AMZ1: variants seen among roughly 807,000 people sequenced by gnomAD.
AMZ1 encodes the protein archaemetzincin-1.
In AMZ1, 39 loss-of-function variants were observed where a neutral mutation model predicts 29.9. The observed-to-expected ratio is 1.30, with a 90% CI of 1.01 to 1.70. The LOEUF is 1.70. Ranked by LOEUF, AMZ1 falls within the 40% of genes most tolerant of loss-of-function variation. The pLI is 0.00. For synonymous variants in AMZ1, 458 were observed against 304.0 expected (o/e 1.51, Z -5.27); for missense variants, 1,041 against 680.6 (o/e 1.53, Z -5.89).
chr7:2,741,847 T>C (rs183617637), intron 4 of AMZ1, among the ~76,000 whole-genome samples: 1 of 150,508 alleles, frequency 6.6e-6, no homozygotes, highest in African/African-American at 2.5e-5. Flanking sequence ...ATAAGAGTAT[T>C]CATCTAGGAT....
In AMZ1 at chr7:2,708,711, G is replaced by A. The variant is rs1295850402; in HGVS notation, c.596G>A (p.Gly199Glu). The change falls in exon 4 of 7, where the codon GGG becomes GAG. Residue 199 changes from glycine (G) to glutamate (E), a missense_variant. Physicochemically the swap from Gly to Glu is moderately conservative, Grantham distance 98 (BLOSUM62 -2). Coordinates refer to ENST00000683327, the MANE Select transcript of AMZ1 (RefSeq NM_001384743.1). ...WSFTFSKFLPGHEVGVCSFAR... is the reference protein window; with the variant it reads ...WSFTFSKFLPEHEVGVCSFAR... ...TTCACCTTCAGCAAGTTCCTTCCAGGGCACGGTGAGCCGGGGCCCCAGCAG... is the reference window on the plus strand; with the variant it reads ...TTCACCTTCAGCAAGTTCCTTCCAGAGCACGGTGAGCCGGGGCCCCAGCAG... The A allele has an allele frequency of 1.2e-5, 19 of 1,612,488 alleles. No homozygotes were observed. The highest frequency in any genetic ancestry group is 1.4e-5 in the Non-Finnish European group (16 of 1,179,988).
At chr7:2,704,132 G>C (rs1214866536) in intron 3 of AMZ1, among the ~76,000 whole-genome samples, 1 of 152,246 alleles carries the variant, frequency 6.6e-6, no homozygotes, top group Non-Finnish European at 1.5e-5. Flanking sequence ...CGCATGATCT[G>C]CCTGCATTGG....
rs1002408834 is a variant in AMZ1, at chr7:2,715,213, G to A, written c.*2335G>A. The A allele has an allele frequency of 2.6e-5, 4 of 152,296 alleles. No homozygotes were observed. The highest frequency in any genetic ancestry group is 5.9e-5 in the Non-Finnish European group (4 of 68,022). The allele number at this position is 152,296 out of a possible 1,614,324, so 9.4% of individuals were successfully genotyped here. Reference sequence around the variant, plus strand: ...TGCACTCCACGGCGGCAGTGACAAGGACCCCACCCCAGGTTCACGGGGAGG... The same window carrying A: ...TGCACTCCACGGCGGCAGTGACAAGAACCCCACCCCAGGTTCACGGGGAGG... On this transcript the variant is annotated 3_prime_UTR_variant, in exon 7 of 7. Coordinates refer to ENST00000683327, the MANE Select transcript of AMZ1 (RefSeq NM_001384743.1).
Position 2,753,463 on chromosome 7 carries a change from T to G in AMZ1, n.551-11249T>G, listed in dbSNP as rs573856822. On this transcript the variant is annotated intron_variant and non_coding_transcript_variant, in intron 4 of 4. Transcript: ENST00000489665. ...GCATGTGGCCTTTGGAAGTTGGCTT[T>G]TTTCACTCAACATAATGTCCTTGGG... Among the ~76,000 whole-genome samples, 3 of 152,322 alleles carry G rather than the reference T, an allele frequency of 2.0e-5. No homozygotes were observed. In the East Asian group the frequency reaches 5.8e-4, roughly 29 times the overall value.
At chr7:2,707,589 C>G (rs1252721634) in intron 3 of AMZ1, among the ~76,000 whole-genome samples, 1 of 152,094 alleles carries the variant, frequency 6.6e-6, no homozygotes, top group African/African-American at 2.4e-5. Context: ...AACTTGCTAG[C>G]TTGGATGACC....
chr7:2,709,225 G>C lies in AMZ1; in HGVS notation c.752G>C (p.Gly251Ala). 1 of 1,507,686 alleles carries C rather than the reference G, an allele frequency of 6.6e-7. No individual in the cohort carries two copies. The highest frequency in any genetic ancestry group is 2.4e-5 in the East Asian group (1 of 42,508). 93.4% of individuals were successfully genotyped at this position (1,507,686 alleles called of 1,614,324 possible). A position where few individuals can be genotyped will look rare whatever the true frequency, so the allele number is the denominator to read the frequency against. ...RGWALCFSAL[G>A]MVQCCKVTCH... ...TGGGCCCTGTGCTTCAGTGCCCTGG[G>C]GATGGTTCAGTGCTGCAAGGTGGGT... The change falls in exon 5 of 7, where the codon GGG becomes GCG. Residue 251 changes from glycine (G) to alanine (A), a missense_variant. Transcript: ENST00000683327.
intron 4 of AMZ1, among the ~76,000 whole-genome samples, chr7:2,740,283 A>G (rs1021659189): frequency 2.6e-5 from 4 of 152,142 alleles, no homozygotes; most frequent in Non-Finnish European, 5.9e-5. Context: ...CCCTACCTGC[A>G]GTGTGATGGT....
At chr7:2,687,717 A>C (rs1481572356), upstream of AMZ1, among the ~76,000 whole-genome samples, 1 of 144,166 alleles carries the variant, frequency 6.9e-6, no homozygotes, top group Non-Finnish European at 1.5e-5. Flanking sequence ...GGCTTCGCTG[A>C]TAAGCCTGGT....
At chr7:2,759,211 G>A (rs1791445910) in intron 4 of AMZ1, among the ~76,000 whole-genome samples, 1 of 151,876 alleles carries the variant, frequency 6.6e-6, no homozygotes, top group South Asian at 2.1e-4. Context: ...AAAACCCCAT[G>A]ATGGATCTCA....
rs182008574 is a variant in AMZ1, at chr7:2,750,175, G to A, written n.551-14537G>A. 2.4e-4 allele frequency among the ~76,000 whole-genome samples: 36 copies of A among 152,264 alleles called. No homozygotes were observed. In the East Asian group the frequency reaches 6.4e-3, roughly 27 times the overall value. ...CTGACATGTAAAGGGCCTGGAAGTC[G>A]TCACTCCCATCCTCACAGCAGCGAC... On this transcript the variant is annotated intron_variant and non_coding_transcript_variant, in intron 4 of 4. Transcript: ENST00000489665.
chr7:2,688,275 C>A lies in AMZ1; in HGVS notation c.-240C>A, dbSNP rs867214957. ...GTGCCCGGCGCGGCCTCTGCCGGCT[C>A]CGGCGGGCGCGGGACTGCGAGGTAG... On this transcript the variant is annotated 5_prime_UTR_variant, in exon 1 of 7. Coordinates refer to ENST00000683327, the MANE Select transcript of AMZ1 (RefSeq NM_001384743.1). 7.2e-5 allele frequency: 11 copies of A among 151,750 alleles called. No homozygotes were observed. The highest frequency in any genetic ancestry group is 3.2e-3 in the Middle Eastern group (1 of 316). The allele number at this position is 151,750 out of a possible 1,614,324, so 9.4% of individuals were successfully genotyped here.
At chr7:2,705,606 G>T (rs1788307232) in intron 3 of AMZ1, among the ~76,000 whole-genome samples, 1 of 152,190 alleles carries the variant, frequency 6.6e-6, no homozygotes, top group African/African-American at 2.4e-5. Flanking sequence ...CCATCTTTTG[G>T]CGGGAGGGTT....
intron 2 of AMZ1, chr7:2,702,482 G>A (rs1173520134): frequency 5.6e-6 from 3 of 537,118 alleles, no homozygotes; most frequent in Non-Finnish European, 9.7e-6. Flanking sequence ...GCTCATATGC[G>A]ATTGTCACTG....
chr7:2,702,712 C>A lies in AMZ1; in HGVS notation c.305-10C>A, dbSNP rs112591562. 4.6e-6 allele frequency: 7 copies of A among 1,522,650 alleles called. No individual in the cohort carries two copies. Among genetic ancestry groups the A allele is most frequent in the South Asian group, 1.2e-5 (1 of 83,274 alleles). The allele number at this position is 1,522,650 out of a possible 1,614,324, so 94.3% of individuals were successfully genotyped here. A position where few individuals can be genotyped will look rare whatever the true frequency, so the allele number is the denominator to read the frequency against. The stretch of plus-strand genomic sequence containing the variant: ...GCGTCGCAGGGCTGACGGTGCTGCT[C>A]TCCCACCAGACCTGAGCGAGGAGCC... On this transcript the variant is annotated splice_polypyrimidine_tract_variant and intron_variant, in intron 2 of 6. Coordinates refer to ENST00000683327, the MANE Select transcript of AMZ1 (RefSeq NM_001384743.1).
At position 2,718,605 on chromosome 7, in the gene AMZ1, G is replaced by A. The variant is rs1461050694; in HGVS notation, c.*5727G>A. Among the ~76,000 whole-genome samples the A allele has an allele frequency of 6.6e-6, 1 of 152,254 alleles. No homozygotes were observed. Among genetic ancestry groups the A allele is most frequent in the Non-Finnish European group, 1.5e-5 (1 of 68,050 alleles). On this transcript the variant is annotated 3_prime_UTR_variant, in exon 7 of 7. Transcript: ENST00000683327. ...CCGGGGGCAGTGTGGGGTCCAGTCT[G>A]AAGCCGACGCCCCTCTCGGTCAGGC...
chr7:2,680,570 G>A (rs1392191913), intron 1 of AMZ1, among the ~76,000 whole-genome samples: 1 of 152,198 alleles, frequency 6.6e-6, no homozygotes, highest in Non-Finnish European at 1.5e-5. Flanking sequence ...CAAGGAGTAG[G>A]GGCTCCGTCC....
chr7:2,733,279 G>A (rs777377607), intron 4 of AMZ1, among the ~76,000 whole-genome samples: 1 of 152,132 alleles, frequency 6.6e-6, no homozygotes, highest in Non-Finnish European at 1.5e-5. Flanking sequence ...CCACTGAGAC[G>A]GGGCCCAGAT....
Position 2,731,338 on chromosome 7 carries a change from T to C in AMZ1, n.550+21522T>C. The C allele has an allele frequency of 6.2e-7, 1 of 1,613,994 alleles. No individual in the cohort carries two copies. The highest frequency in any genetic ancestry group is 1.1e-5 in the South Asian group (1 of 91,052). On this transcript the variant is annotated intron_variant and non_coding_transcript_variant, in intron 4 of 4. Coordinates refer to the AMZ1 transcript ENST00000489665. This position sits in a 1 kb window ranked among gnomAD's most constrained non-coding sequence, Gnocchi z 6.0. Reference sequence around the variant, plus strand: ...CTTCCTGTCGAAGCACTGGACCAGGTAGCGCTGGACGTCCTCCAGCCTGTG... The same window carrying C: ...CTTCCTGTCGAAGCACTGGACCAGGCAGCGCTGGACGTCCTCCAGCCTGTG...
intron 4 of AMZ1, chr7:2,733,397 G>GAC (rs199654941): frequency 3.3e-6 from 4 of 1,226,622 alleles, no homozygotes; most frequent in South Asian, 1.3e-5. Flanking sequence ...TTGGTCTCTG[G>GAC]ACACGTTTTC....
Sources: gnomAD v4.1 joint callset for allele counts (sites outside exome capture counted in the v4.1 genomes callset) on GRCh38, gnomAD v4.1.1 for gene constraint, Gnocchi (gnomAD v3.1) non-coding constraint, MANE v1.5 for transcripts, NCBI Gene and HGNC (gene_info 2026-07-23, HGNC 2026-07-21) for gene names.